Variants in HYCC1 observed in about 807,000 individuals in gnomAD.
The protein encoded by HYCC1 is hyccin PI4KA lipid kinase complex subunit 1, also known as hyccin.
the HYCC1 span, among the ~76,000 whole-genome samples, chr7:22,897,116 G>C: frequency 6.6e-6 from 1 of 152,194 alleles, no homozygotes; most frequent in African/African-American, 2.4e-5. Context: ...TAAGGTAAGA[G>C]AGTGAGTCAC....
chr7:23,002,153 TATATATATATATATATATATATAC>T, the HYCC1 span, among the ~76,000 whole-genome samples: 21 of 68,692 alleles, frequency 3.1e-4, 1 homozygote, highest in African/African-American at 1.8e-3. Flanking sequence ...TATATATATA[TATATATATATATATATATATATAC>T]ATATAGTTTG....
the HYCC1 span, among the ~76,000 whole-genome samples, chr7:22,909,237 T>C: frequency 1.4e-3 from 207 of 151,840 alleles, no homozygotes; most frequent in African/African-American, 4.7e-3. Context: ...AGCAAGTGAG[T>C]TGTTGGAAGA....
the HYCC1 span, chr7:22,936,027 C>T: frequency 6.7e-6 from 1 of 149,136 alleles, no homozygotes; most frequent in Admixed American, 6.8e-5. Flanking sequence ...CCTAGTTTCC[C>T]ATGACTGAAA....
the HYCC1 span, among the ~76,000 whole-genome samples, chr7:23,010,666 CA>C: frequency 6.6e-6 from 1 of 152,126 alleles, no homozygotes; most frequent in Non-Finnish European, 1.5e-5. Flanking sequence ...AATTACACTT[CA>C]ATAGAAAAGC....
At chr7:23,006,562 C>T in the HYCC1 span, among the ~76,000 whole-genome samples, 221 of 152,242 alleles carry the variant, frequency 1.5e-3, 8 homozygotes, top group East Asian at 0.034. Flanking sequence ...CCACCGCACC[C>T]GGCCAATTTA....
At chr7:22,916,064 ACCTAATCAC>A in the HYCC1 span, among the ~76,000 whole-genome samples, 1 of 151,882 alleles carries the variant, frequency 6.6e-6, no homozygotes, top group African/African-American at 2.4e-5. Context: ...TCCCATTAAA[ACCTAATCAC>A]CCTTACCCCG....
the HYCC1 span, among the ~76,000 whole-genome samples, chr7:22,997,233 T>A: frequency 1.3e-5 from 2 of 152,156 alleles, no homozygotes; most frequent in Non-Finnish European, 2.9e-5. Flanking sequence ...AATTATTTTA[T>A]AAGAATATTT....
At chr7:22,918,968 A>T in the HYCC1 span, among the ~76,000 whole-genome samples, 3 of 152,230 alleles carry the variant, frequency 2.0e-5, no homozygotes, top group Admixed American at 2.0e-4. Context: ...TAGCCAAGTC[A>T]CAAAAACACA....
chr7:23,005,956 T>C, the HYCC1 span, among the ~76,000 whole-genome samples: 1 of 152,214 alleles, frequency 6.6e-6, no homozygotes, highest in African/African-American at 2.4e-5. Flanking sequence ...AAACAGTCTC[T>C]CCCTTTTCTT....
the HYCC1 span, chr7:22,991,103 A>G: frequency 1.2e-6 from 2 of 1,611,028 alleles, no homozygotes; most frequent in East Asian, 2.2e-5. Context: ...CTTTCTCTGA[A>G]GTAAACATTT....
the HYCC1 span, chr7:22,976,704 T>G: frequency 6.2e-7 from 1 of 1,601,526 alleles, no homozygotes; most frequent in Non-Finnish European, 8.6e-7. Context: ...GATTCTGTGC[T>G]GTCAGCATCT....
At chr7:22,907,781 G>T in the HYCC1 span, among the ~76,000 whole-genome samples, 3 of 152,090 alleles carry the variant, frequency 2.0e-5, no homozygotes, top group African/African-American at 7.2e-5. Flanking sequence ...GCGTGGTGGC[G>T]CATGCTCATA....
the HYCC1 span, chr7:22,943,646 G>A: frequency 6.6e-6 from 1 of 152,528 alleles, no homozygotes; most frequent in Admixed American, 6.6e-5. Context: ...ATCTTAAAAT[G>A]CCAAATTAGT....
At chr7:22,917,771 C>T in the HYCC1 span, among the ~76,000 whole-genome samples, 1 of 152,170 alleles carries the variant, frequency 6.6e-6, no homozygotes, top group East Asian at 1.9e-4. Context: ...CAAACCACCA[C>T]CCTTAAGTCT....
the HYCC1 span, chr7:22,991,128 T>C: frequency 4.6e-5 from 74 of 1,603,872 alleles, no homozygotes; most frequent in South Asian, 7.6e-4. Flanking sequence ...ACATCTGTTC[T>C]AAACCTTCAA....
chr7:22,949,126 T>A, the HYCC1 span, among the ~76,000 whole-genome samples: 1 of 152,064 alleles, frequency 6.6e-6, no homozygotes, highest in African/African-American at 2.4e-5. Context: ...TTTAATAAAA[T>A]TTTAAAAGCT....
At chr7:22,976,684 A>C in the HYCC1 span, 1 of 1,521,022 alleles carries the variant, frequency 6.6e-7, no homozygotes, top group African/African-American at 1.4e-5. Context: ...TTTTATCCCC[A>C]CAGTATACCG....
chr7:22,963,790 C>T, the HYCC1 span, among the ~76,000 whole-genome samples: 1 of 152,088 alleles, frequency 6.6e-6, no homozygotes, highest in Non-Finnish European at 1.5e-5. Flanking sequence ...ATAAATTCTG[C>T]CTTTAAGAAG....
At chr7:22,956,842 T>C in the HYCC1 span, among the ~76,000 whole-genome samples, 1 of 151,928 alleles carries the variant, frequency 6.6e-6, no homozygotes, top group Admixed American at 6.6e-5. Context: ...AATACAATTC[T>C]AGAAACTTGA....
Sources: allele counts gnomAD v4.1 joint callset (sites outside exome capture counted in the v4.1 genomes callset), GRCh38; gene constraint gnomAD v4.1.1; transcripts MANE v1.5; gene names NCBI Gene and HGNC (gene_info 2026-07-23, HGNC 2026-07-21).